Variants in LRRC37A2 observed in about 807,000 individuals in gnomAD.
LRRC37A2 encodes leucine rich repeat containing 37 member A2, also known as leucine-rich repeat-containing protein 37A2.
A neutral mutation model predicts 68.8 loss-of-function variants in LRRC37A2; 9 were observed. The observed-to-expected ratio is 0.13, with a 90% CI of 0.08 to 0.23. The LOEUF (loss-of-function observed/expected upper bound fraction) is 0.23, where lower values mean the gene tolerates loss of function less well. Among genes scored for constraint, LRRC37A2 ranks in the 10% least tolerant of loss-of-function variants. The probability of loss-of-function intolerance (pLI) is 1.00; values close to 1 mark genes in which losing one functional copy is unlikely to be tolerated. For synonymous variants in LRRC37A2, 63 were observed against 367.6 expected, an observed-to-expected ratio of 0.17 and a Z score of 9.48; for missense variants, 168 against 950.4, an observed-to-expected ratio of 0.18 and a Z score of 10.82.
chr17:46,952,998 G>A, the LRRC37A2 span, among the ~76,000 whole-genome samples: 2 of 151,818 alleles, frequency 1.3e-5, no homozygotes, highest in African/African-American at 2.4e-5. Flanking sequence ...ATGACTCTGA[G>A]CCCCCCAAAT....
the LRRC37A2 span, among the ~76,000 whole-genome samples, chr17:46,735,173 A>G: frequency 7.2e-5 from 11 of 152,344 alleles, no homozygotes; most frequent in African/African-American, 2.6e-4. Flanking sequence ...GAGCACATCT[A>G]TAGTAGATAT....
the LRRC37A2 span, among the ~76,000 whole-genome samples, chr17:46,890,998 C>T: frequency 2.0e-5 from 3 of 152,038 alleles, no homozygotes; most frequent in Admixed American, 1.3e-4. Flanking sequence ...TGAGGCACAG[C>T]GAAATGAAAA....
At chr17:46,953,849 G>T in the LRRC37A2 span, among the ~76,000 whole-genome samples, 4 of 152,208 alleles carry the variant, frequency 2.6e-5, no homozygotes, top group Admixed American at 6.5e-5. Context: ...TTTGAGAAGT[G>T]TATGTTCATA....
At chr17:47,027,899 G>T in the LRRC37A2 span, among the ~76,000 whole-genome samples, 1 of 147,672 alleles carries the variant, frequency 6.8e-6, no homozygotes, top group Non-Finnish European at 1.5e-5. Flanking sequence ...TGACAAAACT[G>T]TGAGTGTGCT....
At chr17:46,966,848 C>T in the LRRC37A2 span, 1 of 413,822 alleles carries the variant, frequency 2.4e-6, no homozygotes, top group East Asian at 3.5e-5. Context: ...CCATTCCTGG[C>T]ATGTGAAGAG....
the LRRC37A2 span, among the ~76,000 whole-genome samples, chr17:46,781,244 A>T: frequency 5.3e-5 from 8 of 152,008 alleles, no homozygotes; most frequent in African/African-American, 1.9e-4. Flanking sequence ...AAAAAAAAAA[A>T]AGGAATGAAA....
chr17:46,881,441 A>G, the LRRC37A2 span, among the ~76,000 whole-genome samples: 1 of 152,238 alleles, frequency 6.6e-6, no homozygotes, highest in Non-Finnish European at 1.5e-5. Context: ...CACAAGGTGG[A>G]CACCCTTCTT....
chr17:46,960,370 A>G, the LRRC37A2 span, among the ~76,000 whole-genome samples: 1 of 152,234 alleles, frequency 6.6e-6, no homozygotes, highest in East Asian at 1.9e-4. Context: ...TGACGAGGAC[A>G]TAGAGCACCT....
the LRRC37A2 span, chr17:46,756,041 T>C: frequency 1.9e-6 from 1 of 531,298 alleles, no homozygotes; most frequent in Middle Eastern, 3.1e-4. Context: ...TTTAGAATGC[T>C]GCGCTTACCT....
chr17:46,929,330 A>G, the LRRC37A2 span, among the ~76,000 whole-genome samples: 1 of 152,186 alleles, frequency 6.6e-6, no homozygotes. Flanking sequence ...TATCAGTGTT[A>G]TTGTTAGTAG....
the LRRC37A2 span, among the ~76,000 whole-genome samples, chr17:47,036,063 A>ATCC: frequency 6.6e-6 from 1 of 152,200 alleles, no homozygotes; most frequent in East Asian, 1.9e-4. Flanking sequence ...TACTCTGGAT[A>ATCC]TTAGACCTTA....
At chr17:46,873,086 T>TCACACACACACACACACA in the LRRC37A2 span, among the ~76,000 whole-genome samples, 1 of 139,820 alleles carries the variant, frequency 7.2e-6, no homozygotes, top group African/African-American at 2.7e-5. Context: ...CTCTGCCTCT[T>TCACACACACACACACACA]CACACACACA....
the LRRC37A2 span, among the ~76,000 whole-genome samples, chr17:46,766,723 C>G: frequency 0.011 from 1,628 of 152,260 alleles, 13 homozygotes; most frequent in Middle Eastern, 0.037. Context: ...GAGGCCCGTC[C>G]ACTTCCCTCC....
the LRRC37A2 span, among the ~76,000 whole-genome samples, chr17:46,829,704 G>A: frequency 6.6e-6 from 1 of 152,002 alleles, no homozygotes; most frequent in Non-Finnish European, 1.5e-5. Flanking sequence ...TTTCACCTGA[G>A]GGGATGGTTA....
the LRRC37A2 span, among the ~76,000 whole-genome samples, chr17:46,839,683 GT>G: frequency 6.6e-6 from 1 of 151,572 alleles, no homozygotes; most frequent in African/African-American, 2.4e-5. Flanking sequence ...CCCTCCCCCA[GT>G]CCCCCCCGCC....
chr17:46,491,649 A>G, the LRRC37A2 span, among the ~76,000 whole-genome samples: 2 of 139,712 alleles, frequency 1.4e-5, no homozygotes, highest in East Asian at 2.0e-4. Flanking sequence ...TGCTATCCCA[A>G]TTTAATGGAA....
At chr17:46,488,832 C>A in the LRRC37A2 span, among the ~76,000 whole-genome samples, 1 of 103,682 alleles carries the variant, frequency 9.6e-6, no homozygotes, top group South Asian at 4.3e-4. Context: ...TATATGATTT[C>A]TTGTAGCTAG....
the LRRC37A2 span, chr17:47,018,762 G>C: frequency 2.0e-6 from 3 of 1,521,162 alleles, no homozygotes; most frequent in Non-Finnish European, 1.8e-6. Context: ...TCAGACTCCA[G>C]AGTTTCCTAA....
the LRRC37A2 span, among the ~76,000 whole-genome samples, chr17:46,976,316 T>A: frequency 6.6e-6 from 1 of 151,124 alleles, no homozygotes; most frequent in Non-Finnish European, 1.5e-5. Context: ...GTGGATCACC[T>A]GAGGTCAGGA....
Sources: gnomAD v4.1 joint callset for allele counts (sites outside exome capture counted in the v4.1 genomes callset) on GRCh38, gnomAD v4.1.1 for gene constraint, MANE v1.5 for transcripts, NCBI Gene and HGNC (gene_info 2026-07-23, HGNC 2026-07-21) for gene names.